PARVG: variants seen among roughly 807,000 people sequenced by gnomAD.
The protein encoded by PARVG is gamma-parvin.
Under a neutral mutation model 44.4 loss-of-function variants are expected in PARVG, and 36 were observed. The observed-to-expected ratio is 0.81, with a 90% CI of 0.62 to 1.07. The LOEUF is 1.07. PARVG is among the 50% of genes least tolerant of loss of function. The probability of loss-of-function intolerance (pLI) is 0.00; values close to 1 mark genes in which losing one functional copy is unlikely to be tolerated. For missense variants in PARVG, 407 were observed against 407.4 expected (o/e 1.00, Z 0.01); for synonymous variants, 170 against 174.1 (o/e 0.98, Z 0.19).
At chr22:44,198,945 C>CCCATCCATCCAT (rs1292696321) in intron 12 of PARVG, among the ~76,000 whole-genome samples, 2 of 23,070 alleles carry the variant, frequency 8.7e-5, no homozygotes, top group African/African-American at 4.1e-4. Flanking sequence ...CATCCACCCA[C>CCCATCCATCCAT]CCATCCATCC....
At position 44,182,897 on chromosome 22, in the gene PARVG, A is replaced by T. The variant is rs2054403613; in HGVS notation, c.-12-421A>T. 5.8e-6 allele frequency: 1 copy of T among 173,126 alleles called. No homozygotes were observed. Among genetic ancestry groups the T allele is most frequent in the Non-Finnish European group, 1.2e-5 (1 of 81,554 alleles). The allele number at this position is 173,126 out of a possible 1,614,324, so 10.7% of individuals were successfully genotyped here. The stretch of plus-strand genomic sequence containing the variant: ...GTATCCACCTCAGCCAGCCCCACAC[A>T]GGCCGACCGGGGAGGTTTCCCTTGA... On this transcript the variant is annotated intron_variant, in intron 2 of 13. Coordinates refer to ENST00000444313, the MANE Select transcript of PARVG (RefSeq NM_022141.7). This position sits in a 1 kb window ranked among gnomAD's most constrained non-coding sequence, Gnocchi z 4.6.
chr22:44,197,314 G>A (rs967940501), intron 11 of PARVG, among the ~76,000 whole-genome samples: 23 of 152,200 alleles, frequency 1.5e-4, no homozygotes, highest in African/African-American at 5.5e-4. Context: ...AGGGCAAAAT[G>A]CTTTCCATGT....
At chr22:44,190,235 C>G (rs932293848) in intron 6 of PARVG, among the ~76,000 whole-genome samples, 1 of 152,184 alleles carries the variant, frequency 6.6e-6, no homozygotes, top group East Asian at 1.9e-4. Flanking sequence ...ATCTAATGAT[C>G]GTTCAGCCAG....
chr22:44,182,020 G>C lies in PARVG; in HGVS notation c.-13+103G>C. 1.1e-6 allele frequency: 1 copy of C among 924,668 alleles called. No homozygotes were observed. Among genetic ancestry groups the C allele is most frequent in the South Asian group, 5.0e-5 (1 of 20,056 alleles). 57.3% of individuals were successfully genotyped at this position (924,668 alleles called of 1,614,324 possible). A position where few individuals can be genotyped will look rare whatever the true frequency, so the allele number is the denominator to read the frequency against. ...GATCCCAGAGTGCAGTCCCAGCCCA[G>C]GCCACCCGGGGAAGGGAGTCGGTAA... On this transcript the variant is annotated intron_variant, in intron 2 of 13. Coordinates refer to ENST00000444313, the MANE Select transcript of PARVG (RefSeq NM_022141.7). This position sits in a 1 kb window ranked among gnomAD's most constrained non-coding sequence, Gnocchi z 4.6.
intron 12 of PARVG, among the ~76,000 whole-genome samples, chr22:44,200,876 C>G (rs1273275696): frequency 6.6e-6 from 1 of 152,014 alleles, no homozygotes; most frequent in Non-Finnish European, 1.5e-5. Context: ...TTCTTCTAGG[C>G]CGCTCCCCTT....
rs999120374 is a variant in PARVG at position 44,197,765 on chromosome 22, G to T, written c.712-856G>T. On this transcript the variant is annotated intron_variant, in intron 11 of 13. Transcript: ENST00000444313. The stretch of plus-strand genomic sequence containing the variant: ...AGAATTGTGAGTGATACATGAGCTG[G>T]TGAGCCCCACGTGTTTGGTATATTA... 3.3e-5 allele frequency among the ~76,000 whole-genome samples: 5 copies of T among 152,180 alleles called. No individual in the cohort carries two copies. The South Asian group carries it at 1.0e-3, about 32-fold the overall frequency.
At chr22:44,204,819 G>A (rs992612949) in intron 12 of PARVG, among the ~76,000 whole-genome samples, 7 of 152,208 alleles carry the variant, frequency 4.6e-5, no homozygotes, top group Non-Finnish European at 1.0e-4. Context: ...AGTGAACCAG[G>A]AGTTCATCCC....
chr22:44,198,632 G>C lies in PARVG; in HGVS notation c.723G>C (p.Gly241=), dbSNP rs746103584. ...TCCTTCCTTTGTAGTTTGCAGATGG[G>C]GTCATCTTACTCTTGCTGATTGGAC... The part of the protein sequence containing the change: ...VQNLDTQFAD[G]VILLLLIGQL... The change falls in exon 12 of 14, where the codon GGG becomes GGC. Residue 241 remains glycine, a synonymous_variant. Transcript: ENST00000444313. 1.2e-6 allele frequency: 2 copies of C among 1,613,156 alleles called. No homozygotes were observed. The highest frequency in any genetic ancestry group is 2.2e-5 in the South Asian group (2 of 91,066).
chr22:44,199,502 A>C (rs2054676567), intron 12 of PARVG, among the ~76,000 whole-genome samples: 1 of 152,188 alleles, frequency 6.6e-6, no homozygotes, highest in Non-Finnish European at 1.5e-5. Context: ...CAGGCCCTGA[A>C]CTGCATGGGA....
chr22:44,173,417 C>G (rs2054289201), intron 1 of PARVG, among the ~76,000 whole-genome samples: 2 of 152,132 alleles, frequency 1.3e-5, no homozygotes, highest in South Asian at 4.1e-4. Flanking sequence ...CGTGCTGGCC[C>G]TGCCATAAAC....
chr22:44,181,719 A>G (rs1048247744), intron 1 of PARVG, 23 bp from the exon 2 acceptor site: 1 of 984,364 alleles, frequency 1.0e-6, no homozygotes, highest in African/African-American at 1.8e-5. Flanking sequence ...CACGGCATCC[A>G]CCCCCCTCGG....
chr22:44,192,786 A>G (rs2054567927), intron 8 of PARVG, among the ~76,000 whole-genome samples: 1 of 149,862 alleles, frequency 6.7e-6, no homozygotes, highest in Non-Finnish European at 1.5e-5. Flanking sequence ...ACTGTTCCCC[A>G]CCCACTAGGG....
At chr22:44,205,920 T>G in intron 13 of PARVG, 91 bp downstream of exon 13, 1 of 1,431,190 alleles carries the variant, frequency 7.0e-7, no homozygotes, top group South Asian at 1.2e-5. Context: ...CATTGGGGGA[T>G]GAGCACGCAT....
chr22:44,176,725 A>G (rs1421756857), upstream of PARVG, among the ~76,000 whole-genome samples: 3 of 152,012 alleles, frequency 2.0e-5, no homozygotes, highest in African/African-American at 7.3e-5. Flanking sequence ...AAGAGTTCCT[A>G]TGTGTATTAA....
upstream of PARVG, among the ~76,000 whole-genome samples, chr22:44,179,413 C>T (rs2054347757): frequency 1.3e-5 from 2 of 152,220 alleles, no homozygotes; most frequent in African/African-American, 4.8e-5. The surrounding 1 kb of genome is among the most constrained non-coding windows in gnomAD (Gnocchi z 4.2). Flanking sequence ...GTATTCTGCA[C>T]ATACCTTGAG....
In PARVG at chr22:44,183,347, G is replaced by A. The variant is rs1197641862; in HGVS notation, c.18G>A (p.Leu6=). Residue 6 remains leucine, a synonymous_variant, in exon 3 of 14, where the codon TTG becomes TTA. Coordinates refer to ENST00000444313, the MANE Select transcript of PARVG (RefSeq NM_022141.7). The part of the protein sequence containing the change: MEPEF[L]YDLLQLPKGV... The stretch of plus-strand genomic sequence containing the variant: ...GGGAGGCGATGGAGCCGGAGTTCTT[G>A]TACGACCTGCTGCAGCTCCCCAAGG... The A allele has an allele frequency of 6.2e-7, 1 of 1,610,324 alleles. No homozygotes were observed. Among genetic ancestry groups the A allele is most frequent in the East Asian group, 2.2e-5 (1 of 44,714 alleles).
chr22:44,190,549 A>C lies in PARVG; in HGVS notation c.389-2A>C. The C allele has an allele frequency of 6.2e-7, 1 of 1,612,996 alleles. No homozygotes were observed. ...TCTGACCTGTCTCCACTCTCTTCCC[A>C]GGCATCTTCAACAAGGACCTGTTGT... is the stretch of plus-strand genomic sequence containing the variant. On this transcript the variant is annotated splice_acceptor_variant, in intron 6 of 13. Coordinates refer to ENST00000444313, the MANE Select transcript of PARVG (RefSeq NM_022141.7). LOFTEE classifies it high-confidence loss of function.
At position 44,181,885 on chromosome 22, in the gene PARVG, A is replaced by G; in HGVS notation, c.-45A>G. The G allele has an allele frequency of 1.0e-6, 1 of 985,490 alleles. No homozygotes were observed. Among genetic ancestry groups the G allele is most frequent in the African/African-American group, 1.7e-5 (1 of 57,334 alleles). The allele number at this position is 985,490 out of a possible 1,614,324, so 61.0% of individuals were successfully genotyped here. On this transcript the variant is annotated 5_prime_UTR_variant, in exon 2 of 14. Transcript: ENST00000444313. ...CCAGGGACCACCCTTTGCACTCAGT[A>G]GGCCTTTGTTTTCCTGCGTGGAAAG...
chr22:44,188,936 AGCTGGAGGG>A, intron 5 of PARVG, 169 bp from the exon 6 acceptor site: 2 of 674,544 alleles, frequency 3.0e-6, no homozygotes, highest in South Asian at 2.2e-5. Context: ...GTCTCCTGGA[AGCTGGAGGG>A]CATACCCGAT....
Sources: gnomAD v4.1 joint callset for allele counts (sites outside exome capture counted in the v4.1 genomes callset) on GRCh38, gnomAD v4.1.1 for gene constraint, Gnocchi (gnomAD v3.1) non-coding constraint, MANE v1.5 for transcripts, NCBI Gene and HGNC (gene_info 2026-07-23, HGNC 2026-07-21) for gene names.